Variants in CTNND1 observed in about 807,000 individuals in gnomAD.
CTNND1 encodes catenin delta 1, also known as catenin delta-1.
In CTNND1, 16 loss-of-function variants were observed where a neutral mutation model predicts 112.1. The ratio of observed to expected loss-of-function variants is 0.14; its 90% CI spans 0.10 to 0.22. The LOEUF is 0.22. CTNND1 is among the 10% of genes least tolerant of loss of function. The pLI is 1.00. For synonymous variants in CTNND1, 420 were observed against 446.5 expected, an observed-to-expected ratio of 0.94 and a Z score of 0.75; for missense variants, 1,008 against 1,257.0, an observed-to-expected ratio of 0.80 and a Z score of 3.00.
chr11:57,807,599 C>T (rs2062840921), intron 12 of CTNND1, among the ~76,000 whole-genome samples: 1 of 127,622 alleles, frequency 7.8e-6, no homozygotes, highest in Non-Finnish European at 1.6e-5. Context: ...GATAGAAACT[C>T]CGTCTCAAAA....
At position 57,811,436 on chromosome 11, in the gene CTNND1, A is replaced by G; in HGVS notation, c.2588A>G (p.His863Arg). 1.2e-6 allele frequency: 2 copies of G among 1,613,722 alleles called. No individual in the cohort carries two copies. The highest frequency in any genetic ancestry group is 2.2e-5 in the East Asian group (1 of 44,862). The change falls in exon 17 of 21, where the codon CAT becomes CGT. Residue 863 changes from histidine (H) to arginine (R), a missense_variant. Physicochemically the swap from His to Arg is conservative, Grantham distance 29. Around this residue, in one of 5 missense-constraint regions of CTNND1, gnomAD observed 28 missense variants for 60.6 expected, o/e 0.46. Coordinates refer to ENST00000399050, the MANE Select transcript of CTNND1 (RefSeq NM_001085458.2). The part of the protein sequence containing the change: ...LNNASRSQSS[H>R]SYDDSTLPLI... Reference sequence around the variant, plus strand: ...AATGCTTCCCGAAGCCAGAGCAGTCATTCATATGATGATAGTACTCTCCCT... The same window carrying G: ...AATGCTTCCCGAAGCCAGAGCAGTCGTTCATATGATGATAGTACTCTCCCT...
chr11:57,796,952 C>A lies in CTNND1; in HGVS notation c.916C>A (p.Arg306Ser). 6.5e-7 allele frequency: 1 copy of A among 1,531,766 alleles called. No homozygotes were observed. 94.9% of individuals were successfully genotyped at this position (1,531,766 alleles called of 1,614,324 possible). The change falls in exon 6 of 21, where the codon CGT (arginine) becomes AGT (serine). Residue 306 changes from arginine to serine, a missense_variant. Physicochemically the swap from Arg to Ser is moderately radical, Grantham distance 110. Coordinates refer to ENST00000399050, the MANE Select transcript of CTNND1 (RefSeq NM_001085458.2). The stretch of plus-strand genomic sequence containing the variant: ...TATGATGTCTGATTATGGCACTGCC[C>A]GTCGGACTGGGACACCCTCTGACCC... ...YGMMSDYGTA[R>S]RTGTPSDPRR...
intron 5 of CTNND1, among the ~76,000 whole-genome samples, chr11:57,796,196 G>A (rs1247823495): frequency 2.0e-5 from 3 of 151,838 alleles, no homozygotes; most frequent in Non-Finnish European, 4.4e-5. Context: ...ACCAGTCTGG[G>A]CAACATAGTG....
At position 57,791,416 on chromosome 11, in the gene CTNND1, T is replaced by C; in HGVS notation, c.-63T>C. On this transcript the variant is annotated 5_prime_UTR_variant, in exon 3 of 21. Coordinates refer to ENST00000399050, the MANE Select transcript of CTNND1 (RefSeq NM_001085458.2). ...GTGAGGGGGTCTCTCTCCCTCCTTC[T>C]CCTTCCTCTGTGATTCACCTTCCTT... is the stretch of plus-strand genomic sequence containing the variant. The C allele has an allele frequency of 7.2e-7, 1 of 1,390,974 alleles. No homozygotes were observed. Among genetic ancestry groups the C allele is most frequent in the Non-Finnish European group, 9.4e-7 (1 of 1,066,400 alleles). 86.2% of individuals were successfully genotyped at this position (1,390,974 alleles called of 1,614,324 possible).
rs199865410 is a variant in CTNND1 at position 57,790,551 on chromosome 11, TG to T, written c.-94-833del. On this transcript the variant is annotated intron_variant, in intron 2 of 20. Coordinates refer to ENST00000399050, the MANE Select transcript of CTNND1 (RefSeq NM_001085458.2). The stretch of plus-strand genomic sequence containing the variant: ...ACCCGGCTAATTTTGTCTGTGTGTG[TG>T]TTTTTTTTTTTTTTTTTTTTTTTGA... Among the ~76,000 whole-genome samples the T allele has an allele frequency of 6.8e-4, 78 of 115,110 alleles. 1 individual carries two copies. Among genetic ancestry groups the T allele is most frequent in the South Asian group, 1.3e-3 (4 of 3,092 alleles). 75.5% of individuals were successfully genotyped at this position (115,110 alleles called of 152,430 possible). A position where few individuals can be genotyped will look rare whatever the true frequency, so the allele number is the denominator to read the frequency against.
chr11:57,778,502 C>T (rs1467147640), intron 1 of CTNND1, among the ~76,000 whole-genome samples: 5 of 151,756 alleles, frequency 3.3e-5, no homozygotes, highest in Non-Finnish European at 1.5e-5. Context: ...ATTCCCTCAC[C>T]CCCTTCAAAC....
At chr11:57,811,630 C>T in intron 17 of CTNND1, 144 bp downstream of exon 17, 5 of 607,212 alleles carry the variant, frequency 8.2e-6, no homozygotes, top group Non-Finnish European at 1.2e-5. Context: ...GATCCTAACG[C>T]AGAAATGGGT....
At chr11:57,768,681 C>CTG (rs1211864397) in intron 1 of CTNND1, among the ~76,000 whole-genome samples, 23 of 152,010 alleles carry the variant, frequency 1.5e-4, no homozygotes, top group Non-Finnish European at 5.9e-5. Flanking sequence ...GCGTGAGCCA[C>CTG]CAAGCCCAGC....
chr11:57,783,569 G>T (rs2510643), intron 1 of CTNND1, among the ~76,000 whole-genome samples: 1 of 151,844 alleles, frequency 6.6e-6, no homozygotes, highest in Admixed American at 6.6e-5. Context: ...TGAGGCAGGA[G>T]AATGCTGTGA....
intron 1 of CTNND1, among the ~76,000 whole-genome samples, chr11:57,780,976 T>C (rs1026208372): frequency 6.6e-6 from 1 of 152,192 alleles, no homozygotes; most frequent in Admixed American, 6.5e-5. Flanking sequence ...TTCACTCTTA[T>C]TGCCCAGGCT....
In CTNND1 at chr11:57,801,775, A is replaced by G. The variant is rs1292074607; in HGVS notation, c.999A>G (p.Gln333=). The change falls in exon 7 of 21, where the codon CAA becomes CAG. Residue 333 remains glutamine (Q), a synonymous_variant. Coordinates refer to ENST00000399050, the MANE Select transcript of CTNND1 (RefSeq NM_001085458.2). ...DMIGEEVPSD[Q]YYWAPLAQHE... ...TTGGTGAGGAGGTGCCATCGGATCA[A>G]TACTACTGGGCTCCTTTGGCCCAGC... 17 of 1,613,998 alleles carry G rather than the reference A, an allele frequency of 1.1e-5. No homozygotes were observed. The East Asian group carries it at 2.0e-4, about 19-fold the overall frequency.
At chr11:57,810,909 A>G (rs1384159742) in intron 16 of CTNND1, among the ~76,000 whole-genome samples, 1 of 151,888 alleles carries the variant, frequency 6.6e-6, no homozygotes. Context: ...GTGAGCCGAC[A>G]TCACACTGCT....
At chr11:57,778,012 T>G (rs1305927680) in intron 1 of CTNND1, among the ~76,000 whole-genome samples, 1 of 152,194 alleles carries the variant, frequency 6.6e-6, no homozygotes, top group Non-Finnish European at 1.5e-5. Context: ...CTTTTCTGAC[T>G]AGGCTCCAAA....
intron 1 of CTNND1, among the ~76,000 whole-genome samples, chr11:57,781,996 T>A (rs1227435070): frequency 6.6e-6 from 1 of 151,842 alleles, no homozygotes; most frequent in African/African-American, 2.4e-5. Flanking sequence ...AATGTTTTAT[T>A]TGGTCTCAGA....
intron 4 of CTNND1, among the ~76,000 whole-genome samples, chr11:57,794,593 C>G (rs1244020502): frequency 6.6e-6 from 1 of 151,196 alleles, no homozygotes; most frequent in East Asian, 2.0e-4. Flanking sequence ...GGAGACCAGC[C>G]TGACCAACAT....
At chr11:57,802,250 T>C (rs542662324) in intron 7 of CTNND1, 54 bp downstream of exon 7, 233 of 1,429,014 alleles carry the variant, frequency 1.6e-4, no homozygotes, top group Admixed American at 2.0e-4. Context: ...TCTAGTGATG[T>C]TGAGAACTAG....
chr11:57,812,583 C>A (rs1001711549), intron 17 of CTNND1, among the ~76,000 whole-genome samples: 6 of 151,996 alleles, frequency 3.9e-5, no homozygotes, highest in Non-Finnish European at 7.4e-5. Flanking sequence ...TTTTAATATT[C>A]TGTGCTGATG....
chr11:57,806,377 C>A, intron 10 of CTNND1, 84 bp from the exon 11 acceptor site: 2 of 1,266,542 alleles, frequency 1.6e-6, no homozygotes, highest in East Asian at 2.5e-5. Flanking sequence ...CTTATTTGCC[C>A]ATGATTCTGC....
At chr11:57,805,158 C>T (rs2062496597) in intron 9 of CTNND1, among the ~76,000 whole-genome samples, 1 of 152,260 alleles carries the variant, frequency 6.6e-6, no homozygotes, top group Non-Finnish European at 1.5e-5. Context: ...CTCAGCCTCC[C>T]AAAGCATTGG....
Sources: allele counts gnomAD v4.1 joint callset (sites outside exome capture counted in the v4.1 genomes callset), GRCh38; gene constraint gnomAD v4.1.1; regional missense constraint gnomAD v4.1.1; transcripts MANE v1.5; gene names NCBI Gene and HGNC (gene_info 2026-07-23, HGNC 2026-07-21).